CIT: variants seen among roughly 807,000 people sequenced by gnomAD.
The protein encoded by CIT is citron rho-interacting serine/threonine kinase, also known as citron Rho-interacting kinase.
Under a neutral mutation model 272.7 loss-of-function variants are expected in CIT, and 79 were observed. The ratio of observed to expected loss-of-function variants is 0.29; its 90% CI spans 0.24 to 0.35. The LOEUF (loss-of-function observed/expected upper bound fraction) is 0.35. Among genes scored for constraint, CIT ranks in the 10% least tolerant of loss-of-function variants. The probability of loss-of-function intolerance (pLI) is 1.00; values close to 1 mark genes in which losing one functional copy is unlikely to be tolerated. For missense variants in CIT, 1,909 were observed against 2,618.3 expected, an observed-to-expected ratio of 0.73 and a Z score of 5.91; for synonymous variants, 948 against 995.6, an observed-to-expected ratio of 0.95 and a Z score of 0.90.
At chr12:119,729,550 A>G (rs944929436) in intron 27 of CIT, among the ~76,000 whole-genome samples, 4 of 152,234 alleles carry the variant, frequency 2.6e-5, no homozygotes, top group African/African-American at 9.6e-5. Context: ...GATTTTTAAT[A>G]AAAACAGGTA....
chr12:119,757,432 A>G lies in CIT; in HGVS notation c.2645T>C (p.Ile882Thr), dbSNP rs754398266. The change falls in exon 22 of 48, where the codon ATC becomes ACC. Residue 882 changes from isoleucine to threonine, a missense_variant. Transcript: ENST00000392521. ...CTTGTCACTGTGGTCTTGGTGGCTGATCTTCTCCAGCTGCTCCTCCAGTTT... is the reference window on the plus strand; with the variant it reads ...CTTGTCACTGTGGTCTTGGTGGCTGGTCTTCTCCAGCTGCTCCTCCAGTTT... ...NRKLEEQLEK[I>T]SHQDHSDKNR... 1.6e-5 allele frequency: 26 copies of G among 1,613,896 alleles called. No individual in the cohort carries two copies. The highest frequency in any genetic ancestry group is 2.1e-5 in the Non-Finnish European group (25 of 1,180,000).
At chr12:119,822,700 ATAAT>A in intron 9 of CIT, 116 bp downstream of exon 9, 2 of 1,040,588 alleles carry the variant, frequency 1.9e-6, no homozygotes, top group East Asian at 2.4e-5. Flanking sequence ...ACTCCTGTAG[ATAAT>A]TAAAGCCTTT....
Position 119,822,820 on chromosome 12 carries a change from A to G in CIT, c.1111T>C (p.Ser371Pro). The change falls in exon 9 of 48, where the codon TCT (serine) becomes CCT (proline). Residue 371 changes from serine to proline, a missense_variant and splice_region_variant. Ser to Pro is a moderately conservative substitution (Grantham distance 74, BLOSUM62 -1). Around this residue, in one of 8 missense-constraint regions of CIT, gnomAD observed 529 missense variants for 549.6 expected, o/e 0.96. Coordinates refer to ENST00000392521, the MANE Select transcript of CIT (RefSeq NM_001206999.2). ...SKIDWNNIRNSPPPFVPTLKS... is the reference protein window; with the variant it reads ...SKIDWNNIRNPPPPFVPTLKS... ...AATTAAGGAAAACAGCCCTACTTAC[A>G]GTTACGAATGTTGTTCCAGTCAATT... 2.5e-6 allele frequency: 4 copies of G among 1,613,958 alleles called. No homozygotes were observed. The highest frequency in any genetic ancestry group is 3.4e-6 in the Non-Finnish European group (4 of 1,179,984).
chr12:119,812,036 C>A (rs1467693445), intron 9 of CIT, among the ~76,000 whole-genome samples: 1 of 151,322 alleles, frequency 6.6e-6, no homozygotes, highest in Non-Finnish European at 1.5e-5. Context: ...ACCTCCACCT[C>A]CCGGGTTCAA....
intron 10 of CIT, among the ~76,000 whole-genome samples, chr12:119,797,177 G>C (rs1965798033): frequency 6.6e-6 from 1 of 152,190 alleles, no homozygotes; most frequent in Non-Finnish European, 1.5e-5. Context: ...GGGATCCCAG[G>C]CAACCATGCA....
Position 119,825,301 on chromosome 12 carries a change from C to T in CIT, c.821G>A (p.Gly274Glu). ...MAPEVLTVMN[G>E]DGKGTYGLDC... is the part of the protein sequence containing the mutation. The stretch of plus-strand genomic sequence containing the variant: ...CAGGCCGTAGGTGCCTTTTCCATCC[C>T]CGTTCATCACAGTCAGCACTTCAGG... Residue 274 changes from glycine (G) to glutamate (E), a missense_variant, in exon 8 of 48, where the codon GGG becomes GAG. Physicochemically the swap from Gly to Glu is moderately conservative, Grantham distance 98 (BLOSUM62 -2). Around this residue, in one of 8 missense-constraint regions of CIT, gnomAD observed 529 missense variants for 549.6 expected, o/e 0.96. Coordinates refer to ENST00000392521, the MANE Select transcript of CIT (RefSeq NM_001206999.2). 1 of 1,614,136 alleles carries T rather than the reference C, an allele frequency of 6.2e-7. No individual in the cohort carries two copies. The highest frequency in any genetic ancestry group is 8.5e-7 in the Non-Finnish European group (1 of 1,180,014).
At chr12:119,744,161 C>T (rs553204054) in intron 23 of CIT, among the ~76,000 whole-genome samples, 1 of 152,062 alleles carries the variant, frequency 6.6e-6, no homozygotes, top group African/African-American at 2.4e-5. Flanking sequence ...GTGGCAAAAA[C>T]AAACAAACAA....
chr12:119,849,800 C>T (rs1970081494), intron 5 of CIT, among the ~76,000 whole-genome samples: 1 of 151,928 alleles, frequency 6.6e-6, no homozygotes, highest in Non-Finnish European at 1.5e-5. Flanking sequence ...ATTGTCCTGC[C>T]TTAGCCACCT....
intron 17 of CIT, among the ~76,000 whole-genome samples, chr12:119,771,396 A>C (rs1190729647): frequency 6.6e-6 from 1 of 152,008 alleles, no homozygotes; most frequent in Non-Finnish European, 1.5e-5. Flanking sequence ...GAAGGACAGG[A>C]GAGGAGGGGG....
At chr12:119,820,999 T>A (rs1967656759) in intron 9 of CIT, among the ~76,000 whole-genome samples, 1 of 151,728 alleles carries the variant, frequency 6.6e-6, no homozygotes, top group African/African-American at 2.4e-5. Flanking sequence ...TTTACTTAAA[T>A]TAAAAGAATT....
chr12:119,699,490 G>A (rs551675152), intron 44 of CIT, among the ~76,000 whole-genome samples: 1 of 152,258 alleles, frequency 6.6e-6, no homozygotes, highest in South Asian at 2.1e-4. Context: ...TGCGTGCCCC[G>A]GTGCAGTTCC....
chr12:119,718,875 CAG>C lies in CIT; in HGVS notation c.3841-16_3841-15del. ...ACTAAATAAACCCTAGCAATGGAAA[CAG>C]AGATATCTCCTAACTCCTGGAAACT... On this transcript the variant is annotated splice_polypyrimidine_tract_variant and intron_variant, in intron 30 of 47. Coordinates refer to ENST00000392521, the MANE Select transcript of CIT (RefSeq NM_001206999.2). The surrounding 1 kb of genome is among the most constrained non-coding windows in gnomAD (Gnocchi z 4.8). 1 of 1,613,534 alleles carries C rather than the reference CAG, an allele frequency of 6.2e-7. No individual in the cohort carries two copies. Among genetic ancestry groups the C allele is most frequent in the Non-Finnish European group, 8.5e-7 (1 of 1,179,650 alleles).
At position 119,850,279 on chromosome 12, in the gene CIT, G is replaced by A; in HGVS notation, c.415-4C>T. ...GCTCTTCCTCAAAAAATGAAACCTAGGGAAAAAAGAAACTGCTTAGACAAT... is the reference window on the plus strand; with the variant it reads ...GCTCTTCCTCAAAAAATGAAACCTAAGGAAAAAAGAAACTGCTTAGACAAT... On this transcript the variant is annotated splice_region_variant and splice_polypyrimidine_tract_variant and intron_variant, in intron 4 of 47. Coordinates refer to ENST00000392521, the MANE Select transcript of CIT (RefSeq NM_001206999.2). The A allele has an allele frequency of 6.3e-7, 1 of 1,595,066 alleles. No individual in the cohort carries two copies.
chr12:119,742,634 T>TG (rs1959113971), intron 23 of CIT, 170 bp from the exon 24 acceptor site: 1 of 551,726 alleles, frequency 1.8e-6, no homozygotes, highest in South Asian at 2.5e-5. Flanking sequence ...CAGAAATAAG[T>TG]TACAGGAATA....
At chr12:119,875,412 A>C (rs1950812808) in intron 2 of CIT, among the ~76,000 whole-genome samples, 1 of 152,234 alleles carries the variant, frequency 6.6e-6, no homozygotes, top group Admixed American at 6.5e-5. Flanking sequence ...CTACTTCTGC[A>C]CAGTGTCTTT....
chr12:119,812,784 C>T (rs1210980276), intron 9 of CIT, among the ~76,000 whole-genome samples: 1 of 143,956 alleles, frequency 6.9e-6, no homozygotes, highest in African/African-American at 2.6e-5. Flanking sequence ...CTTGCTCTTT[C>T]GCCCAGGTTG....
intron 23 of CIT, among the ~76,000 whole-genome samples, chr12:119,750,059 C>G (rs962372010): frequency 6.6e-6 from 1 of 152,174 alleles, no homozygotes; most frequent in Admixed American, 6.5e-5. Context: ...GGAGAAAAAG[C>G]TAAAGACACA....
At chr12:119,716,129 G>C (rs1034150518) in intron 32 of CIT, among the ~76,000 whole-genome samples, 1 of 152,068 alleles carries the variant, frequency 6.6e-6, no homozygotes, top group Admixed American at 6.6e-5. Flanking sequence ...TGTAATGCCA[G>C]CACTCTGGGA....
chr12:119,778,794 C>A (rs907317889), intron 13 of CIT, among the ~76,000 whole-genome samples: 3 of 152,128 alleles, frequency 2.0e-5, no homozygotes, highest in Non-Finnish European at 4.4e-5. Context: ...TCTCTCCCAC[C>A]CAAAAGCATA....
Sources: allele counts gnomAD v4.1 joint callset (sites outside exome capture counted in the v4.1 genomes callset), GRCh38; gene constraint gnomAD v4.1.1; regional missense constraint gnomAD v4.1.1; non-coding constraint Gnocchi (gnomAD v3.1); transcripts MANE v1.5; gene names NCBI Gene and HGNC (gene_info 2026-07-23, HGNC 2026-07-21).